Variants in KIF5C observed in about 807,000 individuals in gnomAD.
KIF5C encodes the protein kinesin family member 5C, also known as kinesin heavy chain isoform 5C.
Under a neutral mutation model 125.2 loss-of-function variants are expected in KIF5C, and 18 were observed. The ratio of observed to expected loss-of-function variants is 0.14; its 90% CI spans 0.10 to 0.21. The LOEUF (loss-of-function observed/expected upper bound fraction) is 0.21, where lower values mean the gene tolerates loss of function less well. Among genes scored for constraint, KIF5C ranks in the 10% least tolerant of loss-of-function variants. The pLI is 1.00. For synonymous variants in KIF5C, 405 were observed against 434.0 expected (o/e 0.93, Z 0.83); for missense variants, 780 against 1,183.8 (o/e 0.66, Z 5.01).
chr2:148,974,652 A>T (rs1478342322), intron 12 of KIF5C, among the ~76,000 whole-genome samples: 1 of 152,228 alleles, frequency 6.6e-6, no homozygotes, highest in African/African-American at 2.4e-5. Context: ...TATGCAAAAC[A>T]AAGAGAAAAA....
intron 1 of KIF5C, among the ~76,000 whole-genome samples, chr2:148,902,215 G>C (rs558965304): frequency 6.6e-6 from 1 of 152,166 alleles, no homozygotes; most frequent in Non-Finnish European, 1.5e-5. Context: ...AGTGCCCCTC[G>C]TGTTCCTGGA....
At chr2:148,977,315 CG>C (rs1681104660) in intron 12 of KIF5C, among the ~76,000 whole-genome samples, 1 of 152,172 alleles carries the variant, frequency 6.6e-6, no homozygotes, top group Non-Finnish European at 1.5e-5. Context: ...ATGAGCACAG[CG>C]TAAGGACAGA....
chr2:148,902,394 G>A (rs1680941609), intron 1 of KIF5C, among the ~76,000 whole-genome samples: 1 of 152,080 alleles, frequency 6.6e-6, no homozygotes, highest in East Asian at 1.9e-4. Context: ...TTGACTCACT[G>A]CAATCTCTGC....
intron 16 of KIF5C, 29 bp from the exon 17 acceptor site, chr2:148,994,392 A>G (rs1024697752): frequency 2.6e-6 from 4 of 1,549,020 alleles, no homozygotes; most frequent in Middle Eastern, 3.3e-4. Context: ...CTTGCTAGTC[A>G]TTCACTCTTC....
At chr2:149,021,418 T>C (rs2105215549) in intron 25 of KIF5C, among the ~76,000 whole-genome samples, 1 of 152,150 alleles carries the variant, frequency 6.6e-6, no homozygotes, top group African/African-American at 2.4e-5. Flanking sequence ...TTTTTTTCTA[T>C]TCAGTTTCTG....
chr2:148,941,972 C>T lies in KIF5C; in HGVS notation c.483C>T (p.Asn161=). Residue 161 remains asparagine, a synonymous_variant, in exon 6 of 26, where the codon AAC becomes AAT. Coordinates refer to ENST00000435030, the MANE Select transcript of KIF5C (RefSeq NM_004522.3). Reference sequence around the variant, plus strand: ...ACTTGGCTGTTCATGAAGATAAAAACAGAGTCCCGTATGTAAAGGTATGAG... The same window carrying T: ...ACTTGGCTGTTCATGAAGATAAAAATAGAGTCCCGTATGTAAAGGTATGAG... The part of the protein sequence containing the change: ...KTNLAVHEDK[N]RVPYVKGCTE... 2 of 1,612,314 alleles carry T rather than the reference C, an allele frequency of 1.2e-6. No homozygotes were observed. The highest frequency in any genetic ancestry group is 1.3e-5 in the African/African-American group (1 of 74,986).
At position 148,924,598 on chromosome 2, in the gene KIF5C, C is replaced by T. The variant is rs1048504308; in HGVS notation, c.217+2371C>T. On this transcript the variant is annotated intron_variant, in intron 2 of 25. Coordinates refer to ENST00000435030, the MANE Select transcript of KIF5C (RefSeq NM_004522.3). The surrounding 1 kb of genome is among the most constrained non-coding windows in gnomAD (Gnocchi z 4.0). ...TTTGCTTGAAAAAGCATGTAGAATTCTCCTCCATTTCTTCTCAAAGAGGTT... is the reference window on the plus strand; with the variant it reads ...TTTGCTTGAAAAAGCATGTAGAATTTTCCTCCATTTCTTCTCAAAGAGGTT... Among the ~76,000 whole-genome samples, 1 of 152,184 alleles carries T rather than the reference C, an allele frequency of 6.6e-6. No homozygotes were observed. The highest frequency in any genetic ancestry group is 1.5e-5 in the Non-Finnish European group (1 of 68,036).
intron 16 of KIF5C, among the ~76,000 whole-genome samples, chr2:148,991,831 G>A (rs931971471): frequency 6.6e-6 from 1 of 152,180 alleles, no homozygotes; most frequent in African/African-American, 2.4e-5. Flanking sequence ...TTTCAAGCCC[G>A]AGGGTACATT....
intron 10 of KIF5C, among the ~76,000 whole-genome samples, chr2:148,951,693 C>G (rs1352246297): frequency 6.6e-6 from 1 of 152,168 alleles, no homozygotes; most frequent in African/African-American, 2.4e-5. Context: ...TAATTCTGAA[C>G]AATCATGTGA....
chr2:148,957,617 A>C (rs376439931), intron 10 of KIF5C, among the ~76,000 whole-genome samples: 9,169 of 147,516 alleles, frequency 0.062, 386 homozygotes, highest in Middle Eastern at 0.18. Flanking sequence ...AAAAAAAAAA[A>C]CAATAAACCT....
At chr2:148,893,040 C>T (rs1350245630) in intron 1 of KIF5C, among the ~76,000 whole-genome samples, 2 of 152,138 alleles carry the variant, frequency 1.3e-5, no homozygotes, top group African/African-American at 4.8e-5. Flanking sequence ...TACTTAGAAC[C>T]CTTGTCTCGT....
intron 25 of KIF5C, among the ~76,000 whole-genome samples, chr2:149,013,392 C>G (rs1393461414): frequency 6.6e-6 from 1 of 152,204 alleles, no homozygotes; most frequent in Admixed American, 6.5e-5. Context: ...CTTTAAGTAG[C>G]CTTCCTGAAG....
At chr2:148,983,440 A>T (rs2105161854) in intron 14 of KIF5C, among the ~76,000 whole-genome samples, 180 bp from the exon 15 acceptor site, 2 of 152,362 alleles carry the variant, frequency 1.3e-5, no homozygotes, top group Middle Eastern at 3.4e-3. Context: ...ACTTGTTGAT[A>T]AAGAGTTCCC....
chr2:148,997,290 G>T lies in KIF5C; in HGVS notation c.2050G>T (p.Asp684Tyr). 1 of 1,613,840 alleles carries T rather than the reference G, an allele frequency of 6.2e-7. No individual in the cohort carries two copies. The highest frequency in any genetic ancestry group is 8.5e-7 in the Non-Finnish European group (1 of 1,179,752). ...QEKMHEVSFQ[D>Y]KEKEHLTRLQ... Reference sequence around the variant, plus strand: ...AAAAATGCACGAAGTCAGCTTCCAGGATAAGGAGAAGGAACATCTGACGCG... The same window carrying T: ...AAAAATGCACGAAGTCAGCTTCCAGTATAAGGAGAAGGAACATCTGACGCG... The change falls in exon 18 of 26, where the codon GAT becomes TAT. Residue 684 changes from aspartate (D) to tyrosine (Y), a missense_variant. Asp to Tyr is a radical substitution (Grantham distance 160). This residue lies in a region of KIF5C where 573 missense variants were observed against 742.6 expected (regional missense o/e 0.77). Coordinates refer to ENST00000435030, the MANE Select transcript of KIF5C (RefSeq NM_004522.3).
intron 1 of KIF5C, among the ~76,000 whole-genome samples, chr2:148,881,082 G>C (rs1018110214): frequency 6.6e-6 from 1 of 151,648 alleles, no homozygotes; most frequent in Non-Finnish European, 1.5e-5. Flanking sequence ...GTGAGAGAGT[G>C]TCTGGCACAG....
chr2:148,937,430 C>A lies in KIF5C; in HGVS notation c.396+42C>A, dbSNP rs545025418. On this transcript the variant is annotated intron_variant, in intron 4 of 25. Coordinates refer to ENST00000435030, the MANE Select transcript of KIF5C (RefSeq NM_004522.3). ...GGTCCCCAGAGAAGACACTGGGCCC[C>A]AGATAACGTTTCTTATACCTCCTCC... 11 of 1,542,332 alleles carry A rather than the reference C, an allele frequency of 7.1e-6. No homozygotes were observed. The African/African-American group carries it at 1.4e-4, about 19-fold the overall frequency.
chr2:148,887,991 G>C (rs935428934), intron 1 of KIF5C, among the ~76,000 whole-genome samples: 2 of 152,298 alleles, frequency 1.3e-5, no homozygotes, highest in East Asian at 3.9e-4. Context: ...GCGACCCCGC[G>C]GGTCCCCGCT....
At chr2:148,998,870 A>G (rs566757407) in intron 19 of KIF5C, 3 of 184,212 alleles carry the variant, frequency 1.6e-5, no homozygotes, top group South Asian at 2.5e-4. Flanking sequence ...GAAAAGAAAA[A>G]AAAAAAATTT....
In KIF5C at chr2:148,875,575, G is replaced by GCCCCCCCCCCCCCCCCCGGGCCC; in HGVS notation, c.-37_-36insCCCCCCCCCCCGGGCCCCCCCCC. 2 of 699,606 alleles carry GCCCCCCCCCCCCCCCCCGGGCCC rather than the reference G, an allele frequency of 2.9e-6. No individual in the cohort carries two copies. Among genetic ancestry groups the GCCCCCCCCCCCCCCCCCGGGCCC allele is most frequent in the Non-Finnish European group, 5.1e-6 (2 of 389,230 alleles). The allele number at this position is 699,606 out of a possible 1,614,324, so 43.3% of individuals were successfully genotyped here. A position where few individuals can be genotyped will look rare whatever the true frequency, so the allele number is the denominator to read the frequency against. ...TCCTCCCTCGTCGTTCCCGGCCCCG[G>GCCCCCCCCCCCCCCCCCGGGCCC]CCCCCCACCCATCCCCGTGCCCCCT... On this transcript the variant is annotated 5_prime_UTR_variant, in exon 1 of 26. Coordinates refer to ENST00000435030, the MANE Select transcript of KIF5C (RefSeq NM_004522.3).
Sources: allele counts gnomAD v4.1 joint callset (sites outside exome capture counted in the v4.1 genomes callset), GRCh38; gene constraint gnomAD v4.1.1; regional missense constraint gnomAD v4.1.1; non-coding constraint Gnocchi (gnomAD v3.1); transcripts MANE v1.5; gene names NCBI Gene and HGNC (gene_info 2026-07-23, HGNC 2026-07-21).